Variants in DPF3 observed in about 807,000 individuals in gnomAD.
DPF3 encodes double PHD fingers 3.
Under a neutral mutation model 56.8 loss-of-function variants are expected in DPF3, and 18 were observed. That is an observed-to-expected ratio of 0.32 (90% CI 0.22 to 0.47). The LOEUF is 0.47. Among genes scored for constraint, DPF3 ranks in the 20% least tolerant of loss-of-function variants. DPF3 has a pLI of 1.00. For missense variants in DPF3, 403 were observed against 488.8 expected (o/e 0.82, Z 1.65); for synonymous variants, 188 against 180.2 (o/e 1.04, Z -0.35).
At position 72,718,511 on chromosome 14, in the gene DPF3, T is replaced by C. The variant is rs376441683; in HGVS notation, c.526-4010A>G. 4.6e-5 allele frequency among the ~76,000 whole-genome samples: 7 copies of C among 152,326 alleles called. No individual in the cohort carries two copies. In the South Asian group the frequency reaches 1.0e-3, roughly 23 times the overall value. ...CCAGTGGAGTCTTCCAGAGGCGACATGACACGTGACGATGCTGTCACTGTG... is the reference window on the plus strand; with the variant it reads ...CCAGTGGAGTCTTCCAGAGGCGACACGACACGTGACGATGCTGTCACTGTG... On this transcript the variant is annotated intron_variant, in intron 5 of 10. Transcript: ENST00000556509.
intron 1 of DPF3, among the ~76,000 whole-genome samples, chr14:72,884,603 G>C (rs569635654): frequency 5.9e-5 from 9 of 151,974 alleles, no homozygotes; most frequent in Non-Finnish European, 7.4e-5. Context: ...GGAAGGACAG[G>C]CCTGACTTGC....
rs375601368 is a variant in DPF3 at position 72,731,438 on chromosome 14, C to T, written c.429+369G>A. 7.5e-5 allele frequency: 14 copies of T among 186,560 alleles called. No individual in the cohort carries two copies. In the East Asian group the frequency reaches 1.3e-3, roughly 17 times the overall value. The allele number at this position is 186,560 out of a possible 1,614,324, so 11.6% of individuals were successfully genotyped here. A position where few individuals can be genotyped will look rare whatever the true frequency, so the allele number is the denominator to read the frequency against. ...CTCACGTGGCCGTAGCTGGAGCAGA[C>T]GCTCCCACGTTTCAAGCCTAGACAA... On this transcript the variant is annotated intron_variant, in intron 4 of 10. Coordinates refer to ENST00000556509, the MANE Select transcript of DPF3 (RefSeq NM_001280542.3).
At chr14:72,842,232 C>G (rs984803516) in intron 1 of DPF3, among the ~76,000 whole-genome samples, 1 of 152,098 alleles carries the variant, frequency 6.6e-6, no homozygotes, top group Non-Finnish European at 1.5e-5. Context: ...CCCAGTAACT[C>G]CCCTGCAAGG....
chr14:72,835,520 T>G (rs1884254613), intron 1 of DPF3, among the ~76,000 whole-genome samples: 1 of 152,202 alleles, frequency 6.6e-6, no homozygotes. Flanking sequence ...TCAATCATCC[T>G]TTACAAAGTG....
intron 1 of DPF3, chr14:72,892,732 C>T (rs1037685683): frequency 3.7e-5 from 36 of 985,848 alleles, no homozygotes; most frequent in Non-Finnish European, 4.0e-5. Flanking sequence ...CCGACCTGCA[C>T]CTCCCTCTGC....
At chr14:72,664,160 G>A (rs1485263965) in intron 8 of DPF3, among the ~76,000 whole-genome samples, 2 of 152,028 alleles carry the variant, frequency 1.3e-5, no homozygotes, top group East Asian at 1.9e-4. Context: ...AACGCCTGCC[G>A]ATTGTTCTCT....
intron 8 of DPF3, chr14:72,670,758 C>T (rs1347576869): frequency 2.0e-5 from 20 of 1,024,546 alleles, no homozygotes; most frequent in Non-Finnish European, 2.2e-5. Context: ...CTCTTCTCTT[C>T]CTTTTGCCAA....
intron 1 of DPF3, among the ~76,000 whole-genome samples, chr14:72,859,494 C>G (rs1885306651): frequency 7.7e-6 from 1 of 130,562 alleles, no homozygotes; most frequent in Non-Finnish European, 1.6e-5. Flanking sequence ...ACACCATTCC[C>G]CCCTAACCTT....
chr14:72,652,946 T>G (rs890079888), intron 8 of DPF3, among the ~76,000 whole-genome samples: 1 of 152,134 alleles, frequency 6.6e-6, no homozygotes, highest in Non-Finnish European at 1.5e-5. Flanking sequence ...CATCCAATTG[T>G]TTTTCCTTTC....
intron 6 of DPF3, among the ~76,000 whole-genome samples, chr14:72,695,141 T>G (rs1887850324): frequency 6.6e-6 from 1 of 152,184 alleles, no homozygotes; most frequent in Non-Finnish European, 1.5e-5. Flanking sequence ...AACTGAAGAG[T>G]TTTGCTGCAT....
chr14:72,858,237 G>A (rs1885245270), intron 1 of DPF3, among the ~76,000 whole-genome samples: 2 of 151,498 alleles, frequency 1.3e-5, no homozygotes, highest in Admixed American at 1.3e-4. Context: ...GAGCCTGGGA[G>A]GCGGAGGTTG....
At chr14:72,810,976 T>C (rs1035858838) in intron 1 of DPF3, among the ~76,000 whole-genome samples, 3 of 152,222 alleles carry the variant, frequency 2.0e-5, no homozygotes, top group African/African-American at 7.2e-5. Context: ...CTGCAGGCTG[T>C]AGAGCAACCA....
chr14:72,795,162 C>T (rs779561758), intron 1 of DPF3, among the ~76,000 whole-genome samples: 1 of 151,632 alleles, frequency 6.6e-6, no homozygotes, highest in Non-Finnish European at 1.5e-5. Context: ...CTACCAAAGG[C>T]GTGTTCTGCT....
intron 1 of DPF3, among the ~76,000 whole-genome samples, chr14:72,842,394 C>T (rs749840654): frequency 6.6e-6 from 1 of 152,112 alleles, no homozygotes; most frequent in Admixed American, 6.5e-5. Context: ...CACTATATAG[C>T]GATGAGAATG....
chr14:72,804,659 G>A (rs1274364362), intron 1 of DPF3, among the ~76,000 whole-genome samples: 16 of 152,194 alleles, frequency 1.1e-4, no homozygotes, highest in Admixed American at 1.0e-3. Flanking sequence ...GAAAGTAGAG[G>A]AGGTCGTGAG....
intron 1 of DPF3, among the ~76,000 whole-genome samples, chr14:72,864,441 T>C (rs780061722): frequency 2.6e-5 from 4 of 152,224 alleles, no homozygotes; most frequent in Admixed American, 6.5e-5. Context: ...GCAGGGACTT[T>C]GTTTTATCGA....
chr14:72,653,428 T>C (rs912579015), intron 8 of DPF3, among the ~76,000 whole-genome samples: 3 of 152,046 alleles, frequency 2.0e-5, no homozygotes, highest in East Asian at 1.9e-4. Context: ...CAAGGTGAGG[T>C]GAAGAGCGAA....
intron 1 of DPF3, among the ~76,000 whole-genome samples, chr14:72,782,319 A>C (rs4899443): frequency 0.64 from 97,441 of 151,432 alleles, 32,236 homozygotes; most frequent in East Asian, 0.79. Flanking sequence ...CACCTCCCAG[A>C]TTCAAGCAAT....
chr14:72,648,349 G>A (rs952959093), intron 8 of DPF3, among the ~76,000 whole-genome samples: 1 of 152,126 alleles, frequency 6.6e-6, no homozygotes, highest in East Asian at 1.9e-4. Flanking sequence ...ATCACTTGAG[G>A]TCAGGAGTTC....
Sources: gnomAD v4.1 joint callset for allele counts (sites outside exome capture counted in the v4.1 genomes callset) on GRCh38, gnomAD v4.1.1 for gene constraint, MANE v1.5 for transcripts, NCBI Gene and HGNC (gene_info 2026-07-23, HGNC 2026-07-21) for gene names.